Variants in ADAMTSL1 observed in about 807,000 individuals in gnomAD.
The protein encoded by ADAMTSL1 is ADAMTS like 1, also known as ADAMTS-like protein 1.
A neutral mutation model predicts 201.8 loss-of-function variants in ADAMTSL1; 126 were observed. The observed-to-expected ratio is 0.62, with a 90% confidence interval of 0.54 to 0.72. The LOEUF (loss-of-function observed/expected upper bound fraction) is 0.72, where lower values mean the gene tolerates loss of function less well. Among genes scored for constraint, ADAMTSL1 ranks in the 30% least tolerant of loss-of-function variants. ADAMTSL1 has a pLI of 0.00. For synonymous variants in ADAMTSL1, 1,121 were observed against 903.4 expected (o/e 1.24, Z -4.32); for missense variants, 2,679 against 2,277.8 (o/e 1.18, Z -3.59).
intron 1 of ADAMTSL1, among the ~76,000 whole-genome samples, chr9:18,107,870 C>G (rs944582332): frequency 6.6e-6 from 1 of 152,152 alleles, no homozygotes; most frequent in Admixed American, 6.6e-5. Flanking sequence ...AGAAGTCAGT[C>G]ACGACCAGCA....
At chr9:18,460,433 C>T (rs1460477110) in intron 2 of ADAMTSL1, among the ~76,000 whole-genome samples, 1 of 152,082 alleles carries the variant, frequency 6.6e-6, no homozygotes, top group Non-Finnish European at 1.5e-5. Flanking sequence ...GGGGACTATC[C>T]TCTTTAGTGG....
At chr9:17,977,705 A>G (rs919182083) in intron 1 of ADAMTSL1, among the ~76,000 whole-genome samples, 5 of 152,140 alleles carry the variant, frequency 3.3e-5, no homozygotes, top group African/African-American at 1.2e-4. Context: ...TAGTCTACCT[A>G]AAGGTCTAAC....
chr9:18,794,845 T>C lies in ADAMTSL1; in HGVS notation c.3678-552T>C, dbSNP rs555407780. On this transcript the variant is annotated intron_variant, in intron 19 of 28. Coordinates refer to ENST00000380548, the MANE Select transcript of ADAMTSL1 (RefSeq NM_001040272.6). Reference sequence around the variant, plus strand: ...TTAGTAGAGACGGAGCTTTGCCATGTTGGCCAGGCTGTTCTTGAACTCCTG... The same window carrying C: ...TTAGTAGAGACGGAGCTTTGCCATGCTGGCCAGGCTGTTCTTGAACTCCTG... Among the ~76,000 whole-genome samples, 166 of 152,242 alleles carry C rather than the reference T, an allele frequency of 1.1e-3. 3 individuals carry two copies. The highest frequency in any genetic ancestry group is 3.7e-3 in the African/African-American group (152 of 41,556).
At chr9:18,843,786 G>C (rs1338650590) in intron 23 of ADAMTSL1, among the ~76,000 whole-genome samples, 4 of 150,672 alleles carry the variant, frequency 2.7e-5, no homozygotes, top group African/African-American at 5.0e-5. Flanking sequence ...TCATTCATTT[G>C]ATCTTCAATC....
chr9:18,553,303 A>T (rs1820907046), intron 3 of ADAMTSL1, among the ~76,000 whole-genome samples: 1 of 150,502 alleles, frequency 6.6e-6, no homozygotes, highest in Admixed American at 6.6e-5. Context: ...AATTACCCTA[A>T]CTTTTAATAT....
At chr9:18,467,434 TA>T (rs1278888320) in intron 2 of ADAMTSL1, among the ~76,000 whole-genome samples, 1 of 152,008 alleles carries the variant, frequency 6.6e-6, no homozygotes, top group Non-Finnish European at 1.5e-5. Context: ...TTCTATACAA[TA>T]AAAAACTAGT....
chr9:18,213,195 T>C (rs1426980494), intron 2 of ADAMTSL1, among the ~76,000 whole-genome samples: 1 of 152,216 alleles, frequency 6.6e-6, no homozygotes, highest in Non-Finnish European at 1.5e-5. Flanking sequence ...ATTTATTTAA[T>C]ATCTTTTTCA....
chr9:18,609,478 T>C (rs1825246318), intron 4 of ADAMTSL1, among the ~76,000 whole-genome samples: 1 of 152,114 alleles, frequency 6.6e-6, no homozygotes, highest in South Asian at 2.1e-4. Context: ...CTCTGACCTC[T>C]CAAGGAGAGT....
At chr9:17,908,617 T>C (rs1825815430) in intron 1 of ADAMTSL1, among the ~76,000 whole-genome samples, 1 of 152,048 alleles carries the variant, frequency 6.6e-6, no homozygotes, top group Non-Finnish European at 1.5e-5. Flanking sequence ...CCACGACGCC[T>C]GGCTAATTTT....
intron 16 of ADAMTSL1, among the ~76,000 whole-genome samples, chr9:18,769,873 T>C (rs777366778): frequency 3.5e-4 from 54 of 152,160 alleles, no homozygotes; most frequent in Non-Finnish European, 1.3e-4. Flanking sequence ...GGAAGGGACA[T>C]ATATTTGAAA....
At chr9:18,002,791 C>G (rs905694360) in intron 1 of ADAMTSL1, among the ~76,000 whole-genome samples, 6 of 151,968 alleles carry the variant, frequency 3.9e-5, no homozygotes, top group Non-Finnish European at 7.4e-5. Context: ...ATTGTTATCT[C>G]TATTTTGTAG....
chr9:18,579,555 G>T (rs1157428024), intron 4 of ADAMTSL1, among the ~76,000 whole-genome samples: 3 of 152,026 alleles, frequency 2.0e-5, no homozygotes, highest in Non-Finnish European at 4.4e-5. Flanking sequence ...AATACTACTT[G>T]TATTAATTGT....
intron 1 of ADAMTSL1, among the ~76,000 whole-genome samples, chr9:18,149,028 G>C (rs1228243268): frequency 2.6e-5 from 4 of 152,016 alleles, no homozygotes; most frequent in African/African-American, 9.7e-5. Context: ...TTCTCCAATA[G>C]AAAGTGTTTA....
chr9:18,703,701 C>CATACATAT (rs1295764808), intron 13 of ADAMTSL1, among the ~76,000 whole-genome samples: 1 of 78,810 alleles, frequency 1.3e-5, no homozygotes, highest in African/African-American at 4.7e-5. Flanking sequence ...TGCGCACATA[C>CATACATAT]ATATATATAT....
intron 2 of ADAMTSL1, among the ~76,000 whole-genome samples, chr9:18,411,432 C>G (rs925506093): frequency 1.3e-5 from 2 of 152,128 alleles, no homozygotes; most frequent in East Asian, 3.9e-4. Flanking sequence ...CTCCTGGACT[C>G]AAGTGATCCA....
chr9:18,403,581 A>G (rs1818069120), intron 2 of ADAMTSL1, among the ~76,000 whole-genome samples: 1 of 152,154 alleles, frequency 6.6e-6, no homozygotes, highest in South Asian at 2.1e-4. Flanking sequence ...CACATGGAAA[A>G]CTATCACTAA....
chr9:18,705,025 T>C (rs1832151394), intron 13 of ADAMTSL1, among the ~76,000 whole-genome samples: 1 of 152,236 alleles, frequency 6.6e-6, no homozygotes, highest in Non-Finnish European at 1.5e-5. Context: ...GGGGAATTCT[T>C]ATCTTCTGAG....
intron 1 of ADAMTSL1, among the ~76,000 whole-genome samples, chr9:18,495,407 C>G (rs1186892595): frequency 1.3e-5 from 2 of 152,068 alleles, no homozygotes; most frequent in Non-Finnish European, 2.9e-5. Flanking sequence ...AATAGTAAAC[C>G]TGAGTAAGCA....
At chr9:18,359,615 C>T (rs1836412801) in intron 2 of ADAMTSL1, among the ~76,000 whole-genome samples, 1 of 152,138 alleles carries the variant, frequency 6.6e-6, no homozygotes, top group African/African-American at 2.4e-5. Flanking sequence ...CAGTAATTCC[C>T]ATTAAGGAAA....
Sources: gnomAD v4.1 joint callset for allele counts (sites outside exome capture counted in the v4.1 genomes callset) on GRCh38, gnomAD v4.1.1 for gene constraint, MANE v1.5 for transcripts, NCBI Gene and HGNC (gene_info 2026-07-23, HGNC 2026-07-21) for gene names.